The following MARCHF11 variants were observed in gnomAD, a reference collection of about 807,000 sequenced individuals.
MARCHF11 encodes E3 ubiquitin-protein ligase MARCHF11.
A neutral mutation model predicts 37.3 loss-of-function variants in MARCHF11; 29 were observed. The ratio of observed to expected loss-of-function variants is 0.78; its 90% CI spans 0.58 to 1.06. The LOEUF is 1.06. Among genes scored for constraint, MARCHF11 ranks in the 50% least tolerant of loss-of-function variants. The probability of loss-of-function intolerance (pLI) is 0.00; values close to 1 mark genes in which losing one functional copy is unlikely to be tolerated. For synonymous variants in MARCHF11, 233 were observed against 228.0 expected (o/e 1.02, Z -0.20); for missense variants, 482 against 533.4 (o/e 0.90, Z 0.95).
At chr5:16,118,154 A>G (rs1737250445) in intron 2 of MARCHF11, among the ~76,000 whole-genome samples, 1 of 152,220 alleles carries the variant, frequency 6.6e-6, no homozygotes, top group Non-Finnish European at 1.5e-5. Context: ...ACAGAACCAT[A>G]GATGGGACGC....
chr5:16,126,312 C>G (rs970727303), intron 2 of MARCHF11, among the ~76,000 whole-genome samples: 10 of 152,074 alleles, frequency 6.6e-5, no homozygotes, highest in Non-Finnish European at 1.3e-4. Flanking sequence ...ATGGTGCTCC[C>G]CAATTCCATG....
intron 2 of MARCHF11, among the ~76,000 whole-genome samples, chr5:16,110,556 T>A (rs1471909309): frequency 6.6e-6 from 1 of 152,226 alleles, no homozygotes; most frequent in Non-Finnish European, 1.5e-5. Context: ...AGGTTTCTTT[T>A]AAATATGTTT....
chr5:16,128,047 C>T (rs564503093), intron 2 of MARCHF11, among the ~76,000 whole-genome samples: 3 of 152,312 alleles, frequency 2.0e-5, no homozygotes, highest in African/African-American at 7.2e-5. Context: ...GGTGCTAGTG[C>T]AGTCCCTGAG....
At chr5:16,154,045 C>T (rs551166909) in intron 2 of MARCHF11, among the ~76,000 whole-genome samples, 2 of 152,018 alleles carry the variant, frequency 1.3e-5, no homozygotes, top group Admixed American at 1.3e-4. Context: ...CTTGATAACA[C>T]AGAGCACTTC....
intron 1 of MARCHF11, among the ~76,000 whole-genome samples, chr5:16,178,774 T>C (rs1407904448): frequency 2.0e-5 from 3 of 152,192 alleles, no homozygotes; most frequent in African/African-American, 7.2e-5. Context: ...CTAAAGCACC[T>C]GAGGAACATG....
intron 2 of MARCHF11, among the ~76,000 whole-genome samples, chr5:16,122,725 T>A (rs914590631): frequency 6.6e-6 from 1 of 152,110 alleles, no homozygotes; most frequent in Non-Finnish European, 1.5e-5. Flanking sequence ...AGTTACAGAT[T>A]AAACCCCTGT....
chr5:16,159,837 A>C (rs1392030553), intron 2 of MARCHF11, among the ~76,000 whole-genome samples: 1 of 151,940 alleles, frequency 6.6e-6, no homozygotes, highest in East Asian at 1.9e-4. Flanking sequence ...CTAAGAACTT[A>C]AGCTGCTTGG....
At chr5:16,172,301 A>G (rs2126610694) in intron 2 of MARCHF11, among the ~76,000 whole-genome samples, 1 of 152,322 alleles carries the variant, frequency 6.6e-6, no homozygotes, top group East Asian at 1.9e-4. Flanking sequence ...AAACAAAATT[A>G]ACTCCTAAGG....
In MARCHF11 at chr5:16,098,334, A is replaced by G. The variant is rs78860169; in HGVS notation, c.694-7253T>C. Among the ~76,000 whole-genome samples, 751 of 152,336 alleles carry G rather than the reference A, an allele frequency of 4.9e-3. 5 individuals carry two copies. The highest frequency in any genetic ancestry group is 0.016 in the African/African-American group (682 of 41,570). ...ATGCAATGAACCAAATAACAAAAAGAGAAAAGTATAAAGATGATGAAGGAA... is the reference window on the plus strand; with the variant it reads ...ATGCAATGAACCAAATAACAAAAAGGGAAAAGTATAAAGATGATGAAGGAA... On this transcript the variant is annotated intron_variant, in intron 2 of 3. Transcript: ENST00000332432.
chr5:16,091,232 T>C (rs912904109), intron 2 of MARCHF11, among the ~76,000 whole-genome samples, 151 bp from the exon 3 acceptor site: 2 of 152,200 alleles, frequency 1.3e-5, no homozygotes, highest in African/African-American at 4.8e-5. Context: ...ATCCAGGCTA[T>C]AAAAAATAGA....
intron 3 of MARCHF11, among the ~76,000 whole-genome samples, chr5:16,083,122 G>A (rs1447168974): frequency 6.6e-6 from 1 of 152,182 alleles, no homozygotes; most frequent in East Asian, 1.9e-4. Context: ...CTTTTGAATG[G>A]TGTGCAGCTG....
intron 2 of MARCHF11, among the ~76,000 whole-genome samples, chr5:16,096,430 G>A (rs992629973): frequency 2.0e-5 from 3 of 152,188 alleles, no homozygotes; most frequent in Non-Finnish European, 4.4e-5. Context: ...CTCTTTACAT[G>A]TAAGTGCCCA....
intron 2 of MARCHF11, among the ~76,000 whole-genome samples, chr5:16,097,870 C>CA (rs1327996899): frequency 6.6e-6 from 1 of 152,100 alleles, no homozygotes; most frequent in Non-Finnish European, 1.5e-5. Context: ...CAAAACCTGA[C>CA]AAAAACGTTA....
chr5:16,141,694 G>GT lies in MARCHF11; in HGVS notation c.693+36031dup, dbSNP rs1737710820. The GT allele has an allele frequency of 2.0e-5, 3 of 152,174 alleles. No individual in the cohort carries two copies. The South Asian group carries it at 6.2e-4, about 32-fold the overall frequency. 9.4% of individuals were successfully genotyped at this position (152,174 alleles called of 1,614,324 possible). A position where few individuals can be genotyped will look rare whatever the true frequency, so the allele number is the denominator to read the frequency against. On this transcript the variant is annotated intron_variant, in intron 2 of 3. Coordinates refer to ENST00000332432, the MANE Select transcript of MARCHF11 (RefSeq NM_001102562.3). ...CTGTAATATTTTGAAGTAAATTGTT[G>GT]TTTTTAAAATCCAATAAAATCTACT...
chr5:16,081,176 C>T (rs1198406007), intron 3 of MARCHF11, among the ~76,000 whole-genome samples: 1 of 152,190 alleles, frequency 6.6e-6, no homozygotes, highest in African/African-American at 2.4e-5. Context: ...CATTTCTCTC[C>T]TGGCACTTTC....
intron 2 of MARCHF11, among the ~76,000 whole-genome samples, chr5:16,097,279 T>C (rs974482308): frequency 6.6e-6 from 1 of 152,258 alleles, no homozygotes; most frequent in African/African-American, 2.4e-5. Flanking sequence ...ACGCCCTTTC[T>C]TTGTAGAGCT....
intron 2 of MARCHF11, among the ~76,000 whole-genome samples, chr5:16,116,040 C>T (rs1367716819): frequency 1.3e-5 from 2 of 152,038 alleles, no homozygotes; most frequent in Admixed American, 1.3e-4. Flanking sequence ...AGATGGCAAA[C>T]GTTTAGTGGC....
intron 2 of MARCHF11, among the ~76,000 whole-genome samples, chr5:16,161,231 A>ACTT (rs1738072081): frequency 7.8e-6 from 1 of 128,660 alleles, no homozygotes; most frequent in African/African-American, 3.0e-5. Flanking sequence ...GATGATCTAA[A>ACTT]TTAGTCCACT....
chr5:16,170,400 A>G (rs1048813197), intron 2 of MARCHF11, among the ~76,000 whole-genome samples: 11 of 152,174 alleles, frequency 7.2e-5, no homozygotes, highest in African/African-American at 2.7e-4. Context: ...GGGTTTTAAA[A>G]AATAGATCCC....
Sources: gnomAD v4.1 joint callset for allele counts (sites outside exome capture counted in the v4.1 genomes callset) on GRCh38, gnomAD v4.1.1 for gene constraint, MANE v1.5 for transcripts, NCBI Gene and HGNC (gene_info 2026-07-23, HGNC 2026-07-21) for gene names.